The following DUSP26 variants were observed in gnomAD, a reference collection of about 807,000 sequenced individuals.
DUSP26 encodes the protein dual specificity phosphatase 26.
Under a neutral mutation model 20.0 loss-of-function variants are expected in DUSP26, and 12 were observed. That is an observed-to-expected ratio of 0.60 (90% CI 0.38 to 0.97). The LOEUF (loss-of-function observed/expected upper bound fraction) is 0.97, where lower values mean the gene tolerates loss of function less well. Ranked by LOEUF, DUSP26 falls within the 50% of genes least tolerant of loss-of-function variation. The pLI is 0.00. For missense variants in DUSP26, 230 were observed against 294.0 expected, an observed-to-expected ratio of 0.78 and a Z score of 1.59; for synonymous variants, 120 against 118.8, an observed-to-expected ratio of 1.01 and a Z score of -0.06.
chr8:33,597,356 T>C lies in DUSP26; in HGVS notation c.160A>G (p.Thr54Ala), dbSNP rs1281481263. ...NVFELERLLY[T>A]GKTACNHADE... ...GCATGGTTACAGGCTGTCTTGCCTG[T>C]GTAGAGGAGCCGCTCCAACTCGAAG... Residue 54 changes from threonine to alanine, a missense_variant, in exon 2 of 4, where the codon ACA (threonine) becomes GCA (alanine). Coordinates refer to ENST00000256261, the MANE Select transcript of DUSP26 (RefSeq NM_024025.3). 6.2e-7 allele frequency: 1 copy of C among 1,613,948 alleles called. No homozygotes were observed. Among genetic ancestry groups the C allele is most frequent in the South Asian group, 1.1e-5 (1 of 91,064 alleles).
chr8:33,592,969 G>A (rs896438406), intron 3 of DUSP26, among the ~76,000 whole-genome samples: 1 of 152,084 alleles, frequency 6.6e-6, no homozygotes, highest in African/African-American at 2.4e-5. Flanking sequence ...CTAATTCCTG[G>A]GCTTAAGAAA....
intron 2 of DUSP26, among the ~76,000 whole-genome samples, chr8:33,595,266 T>G (rs956642166): frequency 6.6e-6 from 1 of 152,118 alleles, no homozygotes; most frequent in African/African-American, 2.4e-5. Flanking sequence ...CACACCTAAC[T>G]CCCCTATGTC....
At chr8:33,595,002 G>A (rs752021393) in intron 2 of DUSP26, among the ~76,000 whole-genome samples, 1 of 152,152 alleles carries the variant, frequency 6.6e-6, no homozygotes, top group South Asian at 2.1e-4. Context: ...GATTATAGGC[G>A]TGAGCCACTG....
rs777635805 is a variant in DUSP26 at position 33,592,139 on chromosome 8, G to A, written c.510C>T (p.Tyr170=). The A allele has an allele frequency of 1.2e-5, 19 of 1,614,046 alleles. No individual in the cohort carries two copies. The Admixed American group carries it at 2.5e-4, about 21-fold the overall frequency. The change falls in exon 4 of 4, where the codon TAC becomes TAT. Residue 170 remains tyrosine (Y), a synonymous_variant. Transcript: ENST00000256261. ...TGGCCTCCACGAGGGTAAGGTGGTG[G>A]TACAGCATGAGGTAGGCCAGTACCA... ...ATLVLAYLML[Y]HHLTLVEAIK...
rs1260048248 is a variant in DUSP26 at position 33,593,594 on chromosome 8, G to A, written c.375C>T (p.Asp125=). The part of the protein sequence containing the change: ...GVEAHDSPAF[D]MSIHFQTAAD... ...CAGCCGTCTGGAAGTGGATGCTCAT[G>A]TCAAAGGCTGGCGAGTCGTGGGCCT... The change falls in exon 3 of 4, where the codon GAC becomes GAT. Residue 125 remains aspartate (D), a synonymous_variant. Coordinates refer to ENST00000256261, the MANE Select transcript of DUSP26 (RefSeq NM_024025.3). The A allele has an allele frequency of 3.7e-6, 6 of 1,614,086 alleles. No homozygotes were observed. The highest frequency in any genetic ancestry group is 1.7e-5 in the Admixed American group (1 of 59,992).
At chr8:33,596,668 G>A (rs1238982390) in intron 2 of DUSP26, among the ~76,000 whole-genome samples, 1 of 152,172 alleles carries the variant, frequency 6.6e-6, no homozygotes, top group African/African-American at 2.4e-5. Flanking sequence ...GAGAAGTGGG[G>A]ATGGCTCTTC....
chr8:33,598,417 G>A (rs1354897322), intron 1 of DUSP26, among the ~76,000 whole-genome samples: 1 of 147,204 alleles, frequency 6.8e-6, no homozygotes, highest in Non-Finnish European at 1.5e-5. Flanking sequence ...TGAGGGGAGG[G>A]TGACAGAGGT....
intron 3 of DUSP26, among the ~76,000 whole-genome samples, chr8:33,592,783 G>A (rs979066410): frequency 6.6e-6 from 1 of 152,162 alleles, no homozygotes; most frequent in Non-Finnish European, 1.5e-5. Flanking sequence ...GCTTTGCATA[G>A]AGTAGCGTGA....
rs376826832 is a variant in DUSP26, at chr8:33,593,554, G to C, written c.415C>G (p.Arg139Gly). 10 of 1,613,634 alleles carry C rather than the reference G, an allele frequency of 6.2e-6. No homozygotes were observed. The East Asian group carries it at 2.2e-4, about 36-fold the overall frequency. The change falls in exon 3 of 4, where the codon CGG (arginine) becomes GGG (glycine). Residue 139 changes from arginine to glycine, a missense_variant. Coordinates refer to ENST00000256261, the MANE Select transcript of DUSP26 (RefSeq NM_024025.3). ...HFQTAADFIH[R>G]ALSQPGGKIL... ...CTACCTCCTGGCTGGCTCAGCGCCC[G>C]GTGGATGAAGTCGGCAGCCGTCTGG...
chr8:33,598,385 A>G (rs1811199182), intron 1 of DUSP26, among the ~76,000 whole-genome samples: 1 of 147,566 alleles, frequency 6.8e-6, no homozygotes, highest in Admixed American at 6.9e-5. Flanking sequence ...GCAGGGTTGG[A>G]GTGTTTTGTC....
At position 33,591,982 on chromosome 8, in the gene DUSP26, C is replaced by G. The variant is rs757523529; in HGVS notation, c.*31G>C. 1.2e-6 allele frequency: 2 copies of G among 1,608,896 alleles called. No homozygotes were observed. The highest frequency in any genetic ancestry group is 1.1e-5 in the South Asian group (1 of 90,928). The stretch of plus-strand genomic sequence containing the variant: ...CAGCTGGGAGCCAGGGACCTACCCA[C>G]GGGCCTGGCCTGACCTCTCTCCCCC... On this transcript the variant is annotated 3_prime_UTR_variant, in exon 4 of 4. Transcript: ENST00000256261.
chr8:33,597,161 C>T (rs1260493708), intron 2 of DUSP26, 134 bp downstream of exon 2: 19 of 863,832 alleles, frequency 2.2e-5, no homozygotes, highest in Non-Finnish European at 2.8e-5. Context: ...TACTCTTGGC[C>T]CATGTGCCCT....
Position 33,593,244 on chromosome 8 carries a change from C to T in DUSP26, c.436+289G>A, listed in dbSNP as rs936080697. On this transcript the variant is annotated intron_variant, in intron 3 of 3. Transcript: ENST00000256261. ...CTGAGATCACGTCACTGCACTCCAGCCTGGGTGACAGAGAAAGACTCCATC... is the reference window on the plus strand; with the variant it reads ...CTGAGATCACGTCACTGCACTCCAGTCTGGGTGACAGAGAAAGACTCCATC... Among the ~76,000 whole-genome samples the T allele has an allele frequency of 2.0e-5, 3 of 152,176 alleles. No individual in the cohort carries two copies. The South Asian group carries it at 6.2e-4, about 32-fold the overall frequency.
intron 2 of DUSP26, among the ~76,000 whole-genome samples, chr8:33,594,243 G>A (rs1444344502): frequency 6.6e-6 from 1 of 152,120 alleles, no homozygotes; most frequent in African/African-American, 2.4e-5. Flanking sequence ...TATAGGGGAT[G>A]TTTTGCCTGG....
rs1009333379 is a variant in DUSP26, at chr8:33,593,652, T to C, written c.317A>G (p.Tyr106Cys). The C allele has an allele frequency of 3.7e-6, 6 of 1,614,146 alleles. No homozygotes were observed. In the Admixed American group the frequency reaches 5.0e-5, roughly 13 times the overall value. The change falls in exon 3 of 4, where the codon TAT (tyrosine) becomes TGT (cysteine). Residue 106 changes from tyrosine (Y) to cysteine (C), a missense_variant. Physicochemically the swap from Tyr to Cys is radical, Grantham distance 194. Coordinates refer to ENST00000256261, the MANE Select transcript of DUSP26 (RefSeq NM_024025.3). ...CAGGTAGCGGATGCCCAGCCCCTCA[T>C]AGGCCTCGGGCGTGCCTCGCCACCG... ...HSRWRGTPEA[Y>C]EGLGIRYLGV...
intron 2 of DUSP26, among the ~76,000 whole-genome samples, chr8:33,596,395 C>A (rs368997132): frequency 1.3e-5 from 2 of 151,946 alleles, no homozygotes; most frequent in Non-Finnish European, 2.9e-5. Flanking sequence ...CTGGGCAACA[C>A]GGTGAAACCC....
intron 1 of DUSP26, 190 bp from the exon 2 acceptor site, chr8:33,597,781 G>T (rs978483755): frequency 1.9e-5 from 8 of 416,524 alleles, no homozygotes; most frequent in African/African-American, 4.0e-5. Flanking sequence ...GCTCTGCCAC[G>T]AAACGAGGTG....
intron 3 of DUSP26, 44 bp from the exon 4 acceptor site, chr8:33,592,256 A>G: frequency 6.6e-7 from 1 of 1,512,436 alleles, no homozygotes; most frequent in South Asian, 1.3e-5. Flanking sequence ...TGCTTGTGGC[A>G]GCTTGGAGGA....
At chr8:33,594,384 A>G (rs920377589) in intron 2 of DUSP26, among the ~76,000 whole-genome samples, 1 of 151,724 alleles carries the variant, frequency 6.6e-6, no homozygotes, top group Non-Finnish European at 1.5e-5. Context: ...CGAGGTCAGG[A>G]GATCAAGACC....
Sources: allele counts gnomAD v4.1 joint callset (sites outside exome capture counted in the v4.1 genomes callset), GRCh38; gene constraint gnomAD v4.1.1; transcripts MANE v1.5; gene names NCBI Gene and HGNC (gene_info 2026-07-23, HGNC 2026-07-21).